The following KLRG1 variants were observed in gnomAD, a reference collection of about 807,000 sequenced individuals.
The protein encoded by KLRG1 is killer cell lectin-like receptor subfamily G member 1.
A neutral mutation model predicts 21.8 loss-of-function variants in KLRG1; 16 were observed. The observed-to-expected ratio is 0.73, with a 90% confidence interval of 0.50 to 1.11. The LOEUF is 1.11. Ranked by LOEUF, KLRG1 falls within the 50% of genes most tolerant of loss-of-function variation. KLRG1 has a pLI of 0.00. For synonymous variants in KLRG1, 69 were observed against 75.9 expected (o/e 0.91, Z 0.47); for missense variants, 173 against 218.3 (o/e 0.79, Z 1.31).
At chr12:8,971,364 A>G (rs1946564152) in intron 1 of KLRG1, 2 of 149,762 alleles carry the variant, frequency 1.3e-5, no homozygotes, top group African/African-American at 4.8e-5. Context: ...TGTTAAATTT[A>G]TTGACATAAA....
At chr12:9,055,107 A>G in the KLRG1 span, among the ~76,000 whole-genome samples, 3,387 of 152,288 alleles carry the variant, frequency 0.022, 117 homozygotes, top group African/African-American at 0.076. Context: ...AGTCATACAA[A>G]TGGTCAGTGG....
chr12:9,165,323 A>G, the KLRG1 span: 2 of 1,614,152 alleles, frequency 1.2e-6, no homozygotes, highest in African/African-American at 1.3e-5. Flanking sequence ...CCACTCGGTG[A>G]TGGTGTCAGG....
the KLRG1 span, chr12:9,089,792 A>ATAGG: frequency 3.7e-6 from 3 of 803,718 alleles, no homozygotes; most frequent in Non-Finnish European, 5.2e-6. Flanking sequence ...CAAGAGAGAG[A>ATAGG]TAGGACAGAG....
the KLRG1 span, among the ~76,000 whole-genome samples, chr12:9,086,310 T>C: frequency 2.0e-5 from 3 of 152,156 alleles, no homozygotes; most frequent in Non-Finnish European, 2.9e-5. Context: ...GTAGGATTGC[T>C]TGAACTCAGG....
At chr12:8,963,869 G>C (rs1198458761) in intron 1 of KLRG1, among the ~76,000 whole-genome samples, 1 of 152,014 alleles carries the variant, frequency 6.6e-6, no homozygotes, top group Non-Finnish European at 1.5e-5. Flanking sequence ...TTTCTGTGGG[G>C]TCAGTGGTGA....
chr12:9,012,410 C>G (rs776981215), downstream of KLRG1, among the ~76,000 whole-genome samples: 1 of 152,208 alleles, frequency 6.6e-6, no homozygotes, highest in African/African-American at 2.4e-5. Context: ...AGGAAGGACC[C>G]AGTCCAGGCA....
chr12:9,162,402 C>T, the KLRG1 span: 2 of 568,670 alleles, frequency 3.5e-6, no homozygotes, highest in South Asian at 2.2e-5. Flanking sequence ...GTCTGTACCA[C>T]CTGAGTCACA....
the KLRG1 span, chr12:9,181,195 T>C: frequency 2.5e-6 from 4 of 1,604,546 alleles, no homozygotes; most frequent in Admixed American, 1.7e-5. Context: ...TGCAGTCACC[T>C]GCATTTCCTA....
chr12:8,980,754 T>G (rs1946741784), intron 1 of KLRG1, among the ~76,000 whole-genome samples: 1 of 152,198 alleles, frequency 6.6e-6, no homozygotes, highest in Non-Finnish European at 1.5e-5. Flanking sequence ...GTGTGAGTTC[T>G]GGGCAGCTCC....
At chr12:9,158,586 G>A in the KLRG1 span, 6 of 1,613,422 alleles carry the variant, frequency 3.7e-6, no homozygotes, top group East Asian at 2.2e-5. Context: ...CCTAGGGGGA[G>A]GAAAAATGCA....
In KLRG1 at chr12:9,009,392, G is replaced by C. The variant is rs749321757; in HGVS notation, c.459-34G>C. The C allele has an allele frequency of 3.1e-6, 5 of 1,612,142 alleles. No individual in the cohort carries two copies. The South Asian group carries it at 5.5e-5, about 18-fold the overall frequency. ...TTTCAACTCCTTTTCTGTGCATGCG[G>C]CCTTAAGTGATTGACTTTTCTGATT... On this transcript the variant is annotated intron_variant, in intron 4 of 4. Coordinates refer to ENST00000356986, the MANE Select transcript of KLRG1 (RefSeq NM_005810.4).
the KLRG1 span, chr12:9,115,501 A>T: frequency 2.2e-5 from 8 of 356,662 alleles, no homozygotes; most frequent in Non-Finnish European, 3.7e-5. Context: ...ATGAATGTGA[A>T]TATCTAAAAT....
the KLRG1 span, among the ~76,000 whole-genome samples, chr12:9,156,533 AG>A: frequency 6.6e-6 from 1 of 152,242 alleles, no homozygotes; most frequent in African/African-American, 2.4e-5. Context: ...GTGGGAATTT[AG>A]GGGGTATGGA....
At chr12:9,192,332 C>T in the KLRG1 span, 96 of 1,436,794 alleles carry the variant, frequency 6.7e-5, no homozygotes, top group Non-Finnish European at 8.8e-5. Flanking sequence ...ACATGACCCA[C>T]TTTCAGTTGT....
the KLRG1 span, among the ~76,000 whole-genome samples, chr12:9,208,685 G>A: frequency 6.6e-6 from 1 of 152,130 alleles, no homozygotes; most frequent in African/African-American, 2.4e-5. Context: ...AGGTGACAAA[G>A]GATGCTGACA....
At chr12:9,184,926 C>G in the KLRG1 span, among the ~76,000 whole-genome samples, 1 of 152,150 alleles carries the variant, frequency 6.6e-6, no homozygotes, top group African/African-American at 2.4e-5. Context: ...AGGAAAAAAT[C>G]AAAACAACAG....
the KLRG1 span, chr12:9,166,333 G>A: frequency 2.4e-6 from 2 of 823,620 alleles, no homozygotes; most frequent in Non-Finnish European, 3.7e-6. Context: ...AGAAGTTGTA[G>A]AACTTGGGAA....
the KLRG1 span, among the ~76,000 whole-genome samples, chr12:9,214,519 T>G: frequency 3.3e-5 from 5 of 152,166 alleles, no homozygotes; most frequent in South Asian, 8.3e-4. Context: ...AATGTCACCT[T>G]TGGCTTAATT....
At chr12:8,967,019 G>C (rs1462599716) in intron 1 of KLRG1, among the ~76,000 whole-genome samples, 1 of 148,352 alleles carries the variant, frequency 6.7e-6, no homozygotes. Context: ...AAAATGATGA[G>C]TTCATGTCCT....
Sources: allele counts gnomAD v4.1 joint callset (sites outside exome capture counted in the v4.1 genomes callset), GRCh38; gene constraint gnomAD v4.1.1; transcripts MANE v1.5; gene names NCBI Gene and HGNC (gene_info 2026-07-23, HGNC 2026-07-21).